Variants in NELL1 observed in about 807,000 individuals in gnomAD.
NELL1 encodes the protein protein kinase C-binding protein NELL1.
NELL1 carries 76 observed loss-of-function variants against 107.4 expected under a neutral mutation model. The ratio of observed to expected loss-of-function variants is 0.71; its 90% CI spans 0.59 to 0.86. The LOEUF (loss-of-function observed/expected upper bound fraction) is 0.86, where lower values mean the gene tolerates loss of function less well. NELL1 is among the 40% of genes least tolerant of loss of function. The probability of loss-of-function intolerance (pLI) is 0.00; values close to 1 mark genes in which losing one functional copy is unlikely to be tolerated. For missense variants in NELL1, 1,024 were observed against 1,005.5 expected (o/e 1.02, Z -0.25); for synonymous variants, 353 against 341.2 (o/e 1.03, Z -0.38).
intron 13 of NELL1, among the ~76,000 whole-genome samples, chr11:21,142,351 T>C (rs1017832733): frequency 6.6e-6 from 1 of 152,218 alleles, no homozygotes; most frequent in Non-Finnish European, 1.5e-5. Context: ...AGGCATGCCT[T>C]CCTGTTGTTC....
At chr11:20,893,681 T>C (rs899985012) in intron 5 of NELL1, among the ~76,000 whole-genome samples, 1 of 151,366 alleles carries the variant, frequency 6.6e-6, no homozygotes, top group Admixed American at 6.6e-5. Flanking sequence ...ATATTTAATA[T>C]AAGATACCAT....
chr11:21,111,777 A>G (rs563130184), intron 12 of NELL1, among the ~76,000 whole-genome samples: 4 of 152,098 alleles, frequency 2.6e-5, no homozygotes, highest in African/African-American at 4.8e-5. Context: ...GGGGAAATAC[A>G]ATTGTGCTAT....
chr11:21,429,272 T>G (rs2133831530), intron 15 of NELL1, among the ~76,000 whole-genome samples: 1 of 152,302 alleles, frequency 6.6e-6, no homozygotes, highest in South Asian at 2.1e-4. Flanking sequence ...TCTAAGACAA[T>G]TATGTAAAAC....
intron 15 of NELL1, among the ~76,000 whole-genome samples, chr11:21,520,480 G>A (rs1352925000): frequency 1.3e-5 from 2 of 152,096 alleles, no homozygotes; most frequent in Non-Finnish European, 2.9e-5. Flanking sequence ...ACATCTGGAG[G>A]CCATTACATG....
At chr11:20,839,320 C>T (rs922638757) in intron 3 of NELL1, among the ~76,000 whole-genome samples, 4 of 152,076 alleles carry the variant, frequency 2.6e-5, no homozygotes, top group African/African-American at 7.2e-5. Context: ...ATTGCTGTCA[C>T]GATTAATCTC....
intron 14 of NELL1, among the ~76,000 whole-genome samples, chr11:21,289,030 T>G (rs574541676): frequency 6.6e-5 from 10 of 152,330 alleles, no homozygotes; most frequent in African/African-American, 2.4e-4. Flanking sequence ...CCCTTTCTAC[T>G]ATATTCTGTT....
intron 5 of NELL1, among the ~76,000 whole-genome samples, chr11:20,916,714 C>G (rs968911279): frequency 1.3e-5 from 2 of 151,888 alleles, no homozygotes; most frequent in South Asian, 2.1e-4. Context: ...AGATGGAAAT[C>G]TATAGTTTTG....
chr11:20,734,382 A>G (rs1855714449), intron 2 of NELL1, among the ~76,000 whole-genome samples: 1 of 152,214 alleles, frequency 6.6e-6, no homozygotes, highest in Non-Finnish European at 1.5e-5. Context: ...GCTTTTGTGT[A>G]TAAGGTGAAG....
chr11:20,919,969 G>A (rs935575288), intron 7 of NELL1, among the ~76,000 whole-genome samples: 1 of 152,122 alleles, frequency 6.6e-6, no homozygotes, highest in African/African-American at 2.4e-5. Flanking sequence ...AGAGGCAATA[G>A]TGAAAAAGAC....
chr11:21,333,049 G>A (rs1236702511), intron 14 of NELL1, among the ~76,000 whole-genome samples: 1 of 151,966 alleles, frequency 6.6e-6, no homozygotes, highest in African/African-American at 2.4e-5. Context: ...CATTATTTTA[G>A]AATTCATGTA....
chr11:21,077,597 C>A (rs1288699602), intron 12 of NELL1, among the ~76,000 whole-genome samples: 2 of 151,704 alleles, frequency 1.3e-5, no homozygotes, highest in Admixed American at 6.6e-5. Flanking sequence ...ACAAAAATTA[C>A]CCTGGCGTGG....
At chr11:21,574,906 AAATTGCAGACTGCT>A in intron 19 of NELL1, 52 bp from the exon 20 acceptor site, 2 of 1,401,258 alleles carry the variant, frequency 1.4e-6, no homozygotes, top group Non-Finnish European at 2.0e-6. Context: ...TTGAGTATAA[AAATTGCAGACTGCT>A]AATTTATATT....
At chr11:21,229,962 A>G (rs1168425378) in intron 14 of NELL1, among the ~76,000 whole-genome samples, 2 of 152,176 alleles carry the variant, frequency 1.3e-5, no homozygotes, top group Admixed American at 1.3e-4. Context: ...GGCATTCAGC[A>G]TCTGGTCCCT....
At chr11:21,029,367 A>G (rs1386322030) in intron 12 of NELL1, among the ~76,000 whole-genome samples, 4 of 152,134 alleles carry the variant, frequency 2.6e-5, no homozygotes, top group South Asian at 2.1e-4. Context: ...TCTTTCGTCA[A>G]TTTGGTGTCT....
chr11:21,071,440 G>T (rs1166437793), intron 12 of NELL1, among the ~76,000 whole-genome samples: 4 of 152,116 alleles, frequency 2.6e-5, no homozygotes, highest in African/African-American at 9.7e-5. Flanking sequence ...GGTAGTTGTT[G>T]TATCATTATC....
chr11:20,968,665 T>C (rs1402855009), intron 12 of NELL1, among the ~76,000 whole-genome samples: 1 of 152,234 alleles, frequency 6.6e-6, no homozygotes, highest in East Asian at 1.9e-4. Context: ...AAAATCATTT[T>C]ATCAGCTGTT....
At chr11:21,279,568 T>C (rs888399092) in intron 14 of NELL1, among the ~76,000 whole-genome samples, 3 of 152,150 alleles carry the variant, frequency 2.0e-5, no homozygotes, top group African/African-American at 4.8e-5. Context: ...TACACACCTA[T>C]TGGAATGGCC....
chr11:21,307,378 A>C (rs771960023), intron 14 of NELL1, among the ~76,000 whole-genome samples: 2 of 151,740 alleles, frequency 1.3e-5, no homozygotes, highest in Non-Finnish European at 2.9e-5. Flanking sequence ...TGATAAGATA[A>C]AAGTAAATTT....
chr11:21,477,077 A>G lies in NELL1; in HGVS notation c.1646-57297A>G, dbSNP rs1459294046. Among the ~76,000 whole-genome samples the G allele has an allele frequency of 2.6e-5, 4 of 152,282 alleles. No individual in the cohort carries two copies. In the South Asian group the frequency reaches 6.2e-4, roughly 24 times the overall value. On this transcript the variant is annotated intron_variant, in intron 15 of 19. Transcript: ENST00000357134. ...ACTTCTTGTGCTTTGCTAGGCTCAG[A>G]GCAAGTGGACTAGTGGGACATGTGA...
Sources: allele counts gnomAD v4.1 joint callset (sites outside exome capture counted in the v4.1 genomes callset), GRCh38; gene constraint gnomAD v4.1.1; transcripts MANE v1.5; gene names NCBI Gene and HGNC (gene_info 2026-07-23, HGNC 2026-07-21).